Variants in CHSY3 observed in about 807,000 individuals in gnomAD.
The protein encoded by CHSY3 is N-acetylgalactosaminyl-proteoglycan 3-beta-glucuronosyltransferase 3.
A neutral mutation model predicts 67.2 loss-of-function variants in CHSY3; 35 were observed. That is an observed-to-expected ratio of 0.52 (90% confidence interval 0.40 to 0.69). The LOEUF (loss-of-function observed/expected upper bound fraction) is 0.69, where lower values mean the gene tolerates loss of function less well. CHSY3 is among the 30% of genes least tolerant of loss of function. CHSY3 has a pLI of 0.00. For missense variants in CHSY3, 1,069 were observed against 1,138.5 expected (o/e 0.94, Z 0.88); for synonymous variants, 474 against 434.7 (o/e 1.09, Z -1.12).
chr5:130,129,630 A>G (rs770713385), intron 2 of CHSY3, among the ~76,000 whole-genome samples: 19 of 152,200 alleles, frequency 1.2e-4, no homozygotes, highest in Non-Finnish European at 1.9e-4. Context: ...AGCAATTTAG[A>G]AAATGAATAT....
At chr5:129,939,773 C>T (rs1456997472) in intron 2 of CHSY3, among the ~76,000 whole-genome samples, 1 of 152,086 alleles carries the variant, frequency 6.6e-6, no homozygotes, top group African/African-American at 2.4e-5. Context: ...TCATGCAGAT[C>T]CTTTACTATC....
intron 2 of CHSY3, among the ~76,000 whole-genome samples, chr5:130,111,274 C>T (rs1297966943): frequency 6.7e-6 from 1 of 150,086 alleles, no homozygotes; most frequent in African/African-American, 2.5e-5. Flanking sequence ...TGTTTTTAAC[C>T]ATATTGCTAG....
At chr5:129,960,401 G>A (rs371727777) in intron 2 of CHSY3, among the ~76,000 whole-genome samples, 4 of 151,998 alleles carry the variant, frequency 2.6e-5, no homozygotes, top group African/African-American at 9.6e-5. Flanking sequence ...TTGTCACTGG[G>A]TATACTTTTT....
chr5:130,103,964 C>T (rs1225221007), intron 2 of CHSY3, among the ~76,000 whole-genome samples: 1 of 151,860 alleles, frequency 6.6e-6, no homozygotes, highest in African/African-American at 2.4e-5. Context: ...CAAAAACAGT[C>T]CCTTGTTCTA....
chr5:129,916,464 A>G (rs542934636), intron 2 of CHSY3, among the ~76,000 whole-genome samples: 116 of 152,318 alleles, frequency 7.6e-4, no homozygotes, highest in Admixed American at 4.4e-3. Context: ...GTCTGCTTTT[A>G]TAATAATAAT....
intron 2 of CHSY3, among the ~76,000 whole-genome samples, chr5:129,967,013 C>T (rs182537372): frequency 6.7e-4 from 101 of 151,874 alleles, no homozygotes; most frequent in African/African-American, 2.4e-3. Context: ...AGTGATTTGA[C>T]CATCTTCTAT....
At chr5:129,963,824 C>T (rs997446472) in intron 2 of CHSY3, among the ~76,000 whole-genome samples, 1 of 151,416 alleles carries the variant, frequency 6.6e-6, no homozygotes, top group Non-Finnish European at 1.5e-5. Context: ...TTTGAAAAAA[C>T]CCCAGGGATG....
At chr5:129,949,086 A>G (rs543486542) in intron 2 of CHSY3, among the ~76,000 whole-genome samples, 17 of 152,276 alleles carry the variant, frequency 1.1e-4, no homozygotes, top group Non-Finnish European at 2.2e-4. Flanking sequence ...CCAACAGGAA[A>G]CTATCACAGT....
At chr5:129,926,149 A>G (rs755446540) in intron 2 of CHSY3, among the ~76,000 whole-genome samples, 6 of 152,052 alleles carry the variant, frequency 3.9e-5, no homozygotes, top group Non-Finnish European at 5.9e-5. Context: ...ATTAAAGCAT[A>G]TAGCATGGAA....
At chr5:129,928,367 A>G (rs760625993) in intron 2 of CHSY3, among the ~76,000 whole-genome samples, 1 of 152,090 alleles carries the variant, frequency 6.6e-6, no homozygotes, top group Non-Finnish European at 1.5e-5. Flanking sequence ...AAATAAAACA[A>G]GTTTTTTTAT....
intron 2 of CHSY3, among the ~76,000 whole-genome samples, chr5:130,053,652 G>A (rs947127348): frequency 6.6e-6 from 1 of 152,098 alleles, no homozygotes; most frequent in Admixed American, 6.6e-5. Flanking sequence ...TGGCCTTAGT[G>A]AGTCTCTATT....
chr5:129,936,408 G>C (rs949907298), intron 2 of CHSY3, among the ~76,000 whole-genome samples: 1 of 152,098 alleles, frequency 6.6e-6, no homozygotes, highest in East Asian at 1.9e-4. Context: ...AGGGCCTAGA[G>C]TTTTGGGTCA....
intron 2 of CHSY3, among the ~76,000 whole-genome samples, chr5:130,156,124 G>A (rs142460290): frequency 1.4e-3 from 216 of 152,148 alleles, no homozygotes; most frequent in African/African-American, 5.1e-3. Flanking sequence ...TTTTTCCCCT[G>A]AGCAATTTAG....
rs1760156019 is a variant in CHSY3 at position 129,904,597 on chromosome 5, C to A, written c.-233C>A. ...CCGCCGCCGGGAGAAGTTTCACTCC[C>A]GACCCTTGCTCGGAGCCCCGGCCCA... is the stretch of plus-strand genomic sequence containing the variant. On this transcript the variant is annotated 5_prime_UTR_variant, in exon 1 of 3. Coordinates refer to ENST00000305031, the MANE Select transcript of CHSY3 (RefSeq NM_175856.5). 9.9e-6 allele frequency: 6 copies of A among 603,966 alleles called. No individual in the cohort carries two copies. The South Asian group carries it at 4.5e-4, about 46-fold the overall frequency. The allele number at this position is 603,966 out of a possible 1,614,324, so 37.4% of individuals were successfully genotyped here. A position where few individuals can be genotyped will look rare whatever the true frequency, so the allele number is the denominator to read the frequency against.
intron 2 of CHSY3, among the ~76,000 whole-genome samples, chr5:129,932,103 C>CATAT (rs33960181): frequency 0.057 from 6,269 of 110,884 alleles, 222 homozygotes; most frequent in Non-Finnish European, 0.064. Flanking sequence ...ACCATAAAAC[C>CATAT]ATATATATAT....
At chr5:129,938,983 A>G (rs146649750) in intron 2 of CHSY3, among the ~76,000 whole-genome samples, 3,741 of 152,306 alleles carry the variant, frequency 0.025, 67 homozygotes, top group Admixed American at 0.039. Context: ...TCACACTGCT[A>G]TAAACACATA....
chr5:130,041,150 C>T (rs955742026), intron 2 of CHSY3, among the ~76,000 whole-genome samples: 1 of 151,952 alleles, frequency 6.6e-6, no homozygotes, highest in East Asian at 1.9e-4. Context: ...AATTGTCTTA[C>T]CCCCCAAAAA....
At chr5:129,955,432 G>T (rs551364980) in intron 2 of CHSY3, among the ~76,000 whole-genome samples, 1 of 150,826 alleles carries the variant, frequency 6.6e-6, no homozygotes, top group African/African-American at 2.4e-5. Flanking sequence ...ATTTTTTCCC[G>T]TCTCCTTTCC....
At chr5:129,952,689 A>G (rs568716153) in intron 2 of CHSY3, among the ~76,000 whole-genome samples, 62 of 152,254 alleles carry the variant, frequency 4.1e-4, no homozygotes, top group African/African-American at 1.5e-3. Flanking sequence ...AAATTATTAG[A>G]TGTCTTTTGC....
Sources: allele counts gnomAD v4.1 joint callset (sites outside exome capture counted in the v4.1 genomes callset), GRCh38; gene constraint gnomAD v4.1.1; transcripts MANE v1.5; gene names NCBI Gene and HGNC (gene_info 2026-07-23, HGNC 2026-07-21).